The following DOCK9 variants were observed in gnomAD, a reference collection of about 807,000 sequenced individuals.
DOCK9 encodes the protein dedicator of cytokinesis protein 9.
DOCK9 carries 89 observed loss-of-function variants against 263.3 expected under a neutral mutation model. That is an observed-to-expected ratio of 0.34 (90% confidence interval 0.28 to 0.40). The LOEUF (loss-of-function observed/expected upper bound fraction) is 0.40. Ranked by LOEUF, DOCK9 falls within the 10% of genes least tolerant of loss-of-function variation. DOCK9 has a pLI of 1.00. For synonymous variants in DOCK9, 976 were observed against 973.1 expected (o/e 1.00, Z -0.06); for missense variants, 2,140 against 2,603.4 (o/e 0.82, Z 3.87).
intron 8 of DOCK9, 35 bp downstream of exon 8, chr13:98,915,294 T>C: frequency 1.3e-6 from 2 of 1,599,902 alleles, no homozygotes; most frequent in South Asian, 1.1e-5. Context: ...ACCCACAGAG[T>C]GTGTATGTGC....
intron 1 of DOCK9, among the ~76,000 whole-genome samples, chr13:99,023,414 G>GT (rs1886344858): frequency 6.6e-6 from 1 of 152,246 alleles, no homozygotes; most frequent in Non-Finnish European, 1.5e-5. Flanking sequence ...TCCATTTGAA[G>GT]TATTTAGAAT....
intron 30 of DOCK9, among the ~76,000 whole-genome samples, chr13:98,866,744 A>G (rs2094036854): frequency 6.6e-6 from 1 of 152,224 alleles, no homozygotes; most frequent in South Asian, 2.1e-4. Context: ...TACTGCCACC[A>G]CTATGGACAA....
intron 1 of DOCK9, among the ~76,000 whole-genome samples, chr13:99,072,552 C>A (rs1014064195): frequency 1.3e-5 from 2 of 152,204 alleles, no homozygotes; most frequent in African/African-American, 4.8e-5. Context: ...CCAGAGCATT[C>A]TTTCATGCAT....
chr13:98,922,003 G>A (rs757116247), intron 6 of DOCK9, 48 bp downstream of exon 6: 385 of 1,433,426 alleles, frequency 2.7e-4, no homozygotes, highest in Middle Eastern at 7.1e-4. Flanking sequence ...GAGCTCTATG[G>A]CAGAAAGGGC....
At chr13:99,017,163 G>A (rs1299070899) in intron 1 of DOCK9, among the ~76,000 whole-genome samples, 1 of 152,166 alleles carries the variant, frequency 6.6e-6, no homozygotes, top group African/African-American at 2.4e-5. Flanking sequence ...CTTCCAAAGG[G>A]TGATTCTGTG....
intron 49 of DOCK9, among the ~76,000 whole-genome samples, chr13:98,801,813 CT>C (rs552090991): frequency 6.6e-6 from 1 of 152,218 alleles, no homozygotes; most frequent in South Asian, 2.1e-4. Flanking sequence ...GGCCCAGCCC[CT>C]GTGAAACACA....
chr13:98,915,163 GT>G (rs1027373716), intron 8 of DOCK9, among the ~76,000 whole-genome samples, 165 bp downstream of exon 8: 15 of 152,094 alleles, frequency 9.9e-5, no homozygotes, highest in African/African-American at 3.6e-4. Context: ...AGGGAAGTAA[GT>G]TATAATGTGA....
At chr13:98,936,111 C>A (rs770851936) in intron 2 of DOCK9, among the ~76,000 whole-genome samples, 2 of 152,098 alleles carry the variant, frequency 1.3e-5, no homozygotes, top group Admixed American at 6.6e-5. Context: ...TCCCCTGAGC[C>A]TGAAACACTC....
chr13:98,921,291 T>A (rs1353446967), intron 6 of DOCK9, among the ~76,000 whole-genome samples: 1 of 152,224 alleles, frequency 6.6e-6, no homozygotes, highest in Non-Finnish European at 1.5e-5. Flanking sequence ...GTGGTTCCCC[T>A]AATATCCATG....
At chr13:99,087,518 ACGCAGAG>A (rs1393067446), upstream of DOCK9, among the ~76,000 whole-genome samples, 13 of 151,942 alleles carry the variant, frequency 8.6e-5, no homozygotes, top group Non-Finnish European at 1.5e-4. Context: ...GCCCACCGTG[ACGCAGAG>A]CTGGCGGCCG....
chr13:98,805,114 T>C lies in DOCK9; in HGVS notation c.5610A>G (p.Thr1870=), dbSNP rs748596403. The C allele has an allele frequency of 4.3e-5, 70 of 1,610,920 alleles. No individual in the cohort carries two copies. The highest frequency in any genetic ancestry group is 5.9e-5 in the Non-Finnish European group (69 of 1,178,482). The change falls in exon 49 of 53, where the codon ACA becomes ACG. Residue 1870 remains threonine (T), a synonymous_variant. Coordinates refer to ENST00000682017, the MANE Select transcript of DOCK9 (RefSeq NM_001366683.2). ...GGATGTTGTGGGATCTCTCAAACTC[T>C]GTTTTCCTTTCTTGCAACTCTTTTT... The part of the protein sequence containing the change: ...FDEKELQERK[T]EFERSHNIRR...
intron 32 of DOCK9, among the ~76,000 whole-genome samples, chr13:98,862,778 C>T (rs535856396): frequency 9.2e-4 from 140 of 152,140 alleles, no homozygotes; most frequent in African/African-American, 3.2e-3. Flanking sequence ...GAGACTGGCG[C>T]GATGCCACTA....
intron 49 of DOCK9, among the ~76,000 whole-genome samples, chr13:98,804,300 G>A (rs1364284247): frequency 6.6e-6 from 1 of 152,158 alleles, no homozygotes; most frequent in Non-Finnish European, 1.5e-5. Flanking sequence ...AATGAGGCAG[G>A]GATGGGTCAA....
At chr13:99,086,744 C>T (rs1182175986), upstream of DOCK9, 1 of 146,878 alleles carries the variant, frequency 6.8e-6, no homozygotes, top group African/African-American at 2.5e-5. Context: ...GGAGGAGGGG[C>T]CGCCGCGGCG....
intron 45 of DOCK9, among the ~76,000 whole-genome samples, chr13:98,819,135 G>A (rs934941089): frequency 2.4e-4 from 37 of 152,286 alleles, no homozygotes; most frequent in African/African-American, 7.7e-4. Flanking sequence ...CACCTTGGAT[G>A]CTTAAAATAC....
intron 1 of DOCK9, among the ~76,000 whole-genome samples, chr13:98,986,260 G>C (rs1459731289): frequency 6.6e-6 from 1 of 152,206 alleles, no homozygotes; most frequent in African/African-American, 2.4e-5. Flanking sequence ...AAGGTGCAAA[G>C]CTGGTGGACC....
At chr13:98,885,856 C>CA (rs754939043) in intron 19 of DOCK9, 25 bp from the exon 20 acceptor site, 1 of 1,584,320 alleles carries the variant, frequency 6.3e-7, no homozygotes, top group Non-Finnish European at 8.6e-7. Context: ...AAAATAACAA[C>CA]AAAATATTCT....
intron 1 of DOCK9, among the ~76,000 whole-genome samples, chr13:98,965,353 C>T (rs1243406413): frequency 2.0e-5 from 3 of 152,242 alleles, no homozygotes; most frequent in African/African-American, 4.8e-5. Flanking sequence ...CTTCTCCAGA[C>T]TGCTCCTGAG....
intron 9 of DOCK9, among the ~76,000 whole-genome samples, chr13:98,909,979 G>A (rs1396878413): frequency 6.6e-6 from 1 of 152,128 alleles, no homozygotes; most frequent in East Asian, 1.9e-4. Context: ...GAGCAATTCC[G>A]GATTTAGAAG....
Sources: gnomAD v4.1 joint callset for allele counts (sites outside exome capture counted in the v4.1 genomes callset) on GRCh38, gnomAD v4.1.1 for gene constraint, MANE v1.5 for transcripts, NCBI Gene and HGNC (gene_info 2026-07-23, HGNC 2026-07-21) for gene names.